The following RPL12 variants were observed in gnomAD, a reference collection of about 807,000 sequenced individuals.
The protein encoded by RPL12 is large ribosomal subunit protein uL11.
In RPL12, 10 loss-of-function variants were observed where a neutral mutation model predicts 24.5. That is an observed-to-expected ratio of 0.41 (90% CI 0.25 to 0.69). The LOEUF is 0.69. RPL12 is among the 30% of genes least tolerant of loss of function. The probability of loss-of-function intolerance (pLI) is 0.33; values close to 1 mark genes in which losing one functional copy is unlikely to be tolerated. For missense variants in RPL12, 137 were observed against 205.3 expected (o/e 0.67, Z 2.03); for synonymous variants, 74 against 76.1 (o/e 0.97, Z 0.14).
At chr9:127,450,692 CAA>C (rs776292756) in intron 2 of RPL12, 37 bp downstream of exon 2, 26 of 1,473,242 alleles carry the variant, frequency 1.8e-5, no homozygotes, top group South Asian at 6.2e-5. Context: ...TAAAGTGAAA[CAA>C]ATGTGAAAAA....
At position 127,451,185 on chromosome 9, in the gene RPL12, G is replaced by C. The variant is rs529320034; in HGVS notation, c.37+96C>G. ...ACACCGGGAAGGTCTCTGGGAGGCA[G>C]CGGCTTTAAGAGCCCCATACGGGGA... On this transcript the variant is annotated intron_variant, in intron 1 of 6. Transcript: ENST00000361436. 1.9e-5 allele frequency: 28 copies of C among 1,505,142 alleles called. No homozygotes were observed. In the Admixed American group the frequency reaches 5.4e-4, roughly 29 times the overall value. 93.2% of individuals were successfully genotyped at this position (1,505,142 alleles called of 1,614,324 possible).
At chr9:127,449,423 C>G in intron 3 of RPL12, 61 bp from the exon 4 acceptor site, 1 of 1,501,188 alleles carries the variant, frequency 6.7e-7, no homozygotes, top group Non-Finnish European at 9.2e-7. Context: ...TGCACGCTGG[C>G]TCTCAAAAAT....
In RPL12 at chr9:127,447,737, GAAAA is replaced by G. The variant is rs536891934; in HGVS notation, c.493-15_493-12del. The stretch of plus-strand genomic sequence containing the variant: ...CCTTTGTGCTTAACTCTGTGGGAAA[GAAAA>G]AAAAAATCAGTAAAAAGTTTAAAAG... On this transcript the variant is annotated splice_polypyrimidine_tract_variant and intron_variant, in intron 6 of 6. Transcript: ENST00000361436. The G allele has an allele frequency of 6.4e-7, 1 of 1,560,868 alleles. No individual in the cohort carries two copies. The highest frequency in any genetic ancestry group is 1.2e-5 in the South Asian group (1 of 86,534).
intron 4 of RPL12, 101 bp downstream of exon 4, chr9:127,449,180 C>A: frequency 1.1e-6 from 1 of 913,880 alleles, no homozygotes. Context: ...ACACCCAATA[C>A]CCATGTCAAC....
At chr9:127,447,852 C>T (rs746355173) in intron 6 of RPL12, 25 bp downstream of exon 6, 2 of 1,610,630 alleles carry the variant, frequency 1.2e-6, no homozygotes, top group Non-Finnish European at 1.7e-6. Context: ...TTCACCCCTA[C>T]TGTAACAATG....
At chr9:127,450,692 C>T in intron 2 of RPL12, 39 bp downstream of exon 2, 1 of 1,473,360 alleles carries the variant, frequency 6.8e-7, no homozygotes, top group Non-Finnish European at 9.2e-7. Context: ...TAAAGTGAAA[C>T]AAATGTGAAA....
chr9:127,448,113 TATA>T (rs1834204462), intron 5 of RPL12, 124 bp from the exon 6 acceptor site: 1 of 1,212,048 alleles, frequency 8.3e-7, no homozygotes, highest in Non-Finnish European at 1.1e-6. Context: ...GCTCCCCTAA[TATA>T]GAATATAGAG....
Position 127,449,371 on chromosome 9 carries a change from G to GA in RPL12, c.211-10dup, listed in dbSNP as rs893914100. The stretch of plus-strand genomic sequence containing the variant: ...GAAGGCACCACCTCAATCTGCAGAA[G>GA]AGATTCCTGAGTGAATACTCCACCT... On this transcript the variant is annotated splice_polypyrimidine_tract_variant and intron_variant, in intron 3 of 6. Transcript: ENST00000361436. 6.2e-7 allele frequency: 1 copy of GA among 1,605,802 alleles called. No homozygotes were observed. Among genetic ancestry groups the GA allele is most frequent in the African/African-American group, 1.3e-5 (1 of 74,844 alleles).
chr9:127,449,405 T>C (rs762481294), intron 3 of RPL12, 43 bp from the exon 4 acceptor site: 2 of 1,551,080 alleles, frequency 1.3e-6, no homozygotes, highest in Non-Finnish European at 1.8e-6. Context: ...CTCCAGTGAA[T>C]ACTGCCATGC....
rs756840904 is a variant in RPL12 at position 127,451,333 on chromosome 9, T to C, written c.-16A>G. On this transcript the variant is annotated 5_prime_UTR_variant, in exon 1 of 7. Coordinates refer to ENST00000361436, the MANE Select transcript of RPL12 (RefSeq NM_000976.4). ...TCGGCGGCATGGTGGAGGCGGCTGG[T>C]GTCGGATGAACCCGGATTCGGGACG... 1.2e-5 allele frequency: 19 copies of C among 1,611,794 alleles called. No homozygotes were observed. The highest frequency in any genetic ancestry group is 1.5e-5 in the Non-Finnish European group (18 of 1,179,908).
chr9:127,448,049 T>A, intron 5 of RPL12, 60 bp from the exon 6 acceptor site: 1 of 1,514,372 alleles, frequency 6.6e-7, no homozygotes, highest in Non-Finnish European at 8.9e-7. Context: ...AATCTGCAGA[T>A]ACTGGGGAAT....
Position 127,447,989 on chromosome 9 carries a change from C to T in RPL12, c.380G>A (p.Gly127Glu). ...RHRSLARELS[G>E]TIKEILGTAQ... ...AGTCCCCAGGATCTCTTTAATGGTT[C>T]CTTTAAGTAAAGAAATGGTGGCATT... The change falls in exon 6 of 7, where the codon GGA becomes GAA. Residue 127 changes from glycine to glutamate, a missense_variant and splice_region_variant. Physicochemically the swap from Gly to Glu is moderately conservative, Grantham distance 98 (BLOSUM62 -2). This residue lies in a region of RPL12 where 118 missense variants were observed against 160.7 expected (regional missense o/e 0.73). Coordinates refer to ENST00000361436, the MANE Select transcript of RPL12 (RefSeq NM_000976.4). 1 of 1,601,364 alleles carries T rather than the reference C, an allele frequency of 6.2e-7. No individual in the cohort carries two copies. The highest frequency in any genetic ancestry group is 8.5e-7 in the Non-Finnish European group (1 of 1,175,468).
chr9:127,449,504 A>G, intron 3 of RPL12, 106 bp downstream of exon 3: 3 of 1,307,668 alleles, frequency 2.3e-6, no homozygotes, highest in Non-Finnish European at 3.3e-6. Flanking sequence ...ACAAGGTGAA[A>G]TCACTCTCGG....
chr9:127,447,764 A>G, intron 6 of RPL12, 38 bp from the exon 7 acceptor site: 1 of 1,613,690 alleles, frequency 6.2e-7, no homozygotes. Context: ...AAAAGTTTAA[A>G]AGGATTATCC....
At chr9:127,450,499 G>C in intron 2 of RPL12, 1 of 493,686 alleles carries the variant, frequency 2.0e-6, no homozygotes, top group Non-Finnish European at 3.6e-6. Flanking sequence ...CACCCCTCAG[G>C]TACACTAAAG....
chr9:127,447,840 C>CT, intron 6 of RPL12, 37 bp downstream of exon 6: 1 of 1,610,618 alleles, frequency 6.2e-7, no homozygotes, highest in Non-Finnish European at 8.5e-7. Context: ...GGTGGCCCCC[C>CT]TTTCACCCCT....
Position 127,447,958 on chromosome 9 carries a change from C to G in RPL12, c.411G>C (p.Gln137His). The change falls in exon 6 of 7, where the codon CAG (glutamine) becomes CAC (histidine). Residue 137 changes from glutamine to histidine, a missense_variant. Around this residue, in one of 3 missense-constraint regions of RPL12, gnomAD observed 118 missense variants for 160.7 expected, o/e 0.73. Coordinates refer to ENST00000361436, the MANE Select transcript of RPL12 (RefSeq NM_000976.4). ...GTIKEILGTA[Q>H]SVGCNVDGRH... ...GGCCATCAACATTACAGCCCACTGA[C>G]TGGGCAGTCCCCAGGATCTCTTTAA... The G allele has an allele frequency of 6.2e-7, 1 of 1,613,328 alleles. No homozygotes were observed. Among genetic ancestry groups the G allele is most frequent in the Non-Finnish European group, 8.5e-7 (1 of 1,179,800 alleles).
At chr9:127,449,556 G>C in intron 3 of RPL12, 54 bp downstream of exon 3, 1 of 1,503,550 alleles carries the variant, frequency 6.7e-7, no homozygotes, top group Non-Finnish European at 9.2e-7. Flanking sequence ...AATCCCAGAG[G>C]GTTGCTACCT....
intron 4 of RPL12, chr9:127,448,758 A>C: frequency 2.3e-6 from 1 of 441,896 alleles, no homozygotes; most frequent in Non-Finnish European, 4.3e-6. Context: ...TCTCCTGATT[A>C]TAGGTCATTA....
Sources: gnomAD v4.1 joint callset for allele counts on GRCh38, gnomAD v4.1.1 for gene constraint, gnomAD v4.1.1 regional missense constraint, MANE v1.5 for transcripts, NCBI Gene and HGNC (gene_info 2026-07-23, HGNC 2026-07-21) for gene names.